TLN2: variants seen among roughly 807,000 people sequenced by gnomAD.
TLN2 encodes talin 2.
In TLN2, 118 loss-of-function variants were observed where a neutral mutation model predicts 294.7. The observed-to-expected ratio is 0.40, with a 90% CI of 0.34 to 0.47. The LOEUF (loss-of-function observed/expected upper bound fraction) is 0.47. Ranked by LOEUF, TLN2 falls within the 20% of genes least tolerant of loss-of-function variation. The pLI is 0.84. For missense variants in TLN2, 3,083 were observed against 3,282.2 expected (o/e 0.94, Z 1.48); for synonymous variants, 1,431 against 1,304.5 (o/e 1.10, Z -2.09).
chr15:62,585,445 C>G (rs985065232), intron 1 of TLN2, among the ~76,000 whole-genome samples: 3 of 152,146 alleles, frequency 2.0e-5, no homozygotes, highest in Non-Finnish European at 2.9e-5. Flanking sequence ...TCTGCTCTTA[C>G]GATGAGCAAC....
At chr15:62,800,548 G>A in intron 49 of TLN2, 55 bp downstream of exon 49, 1 of 1,611,124 alleles carries the variant, frequency 6.2e-7, no homozygotes. Flanking sequence ...TCACTTAAAG[G>A]AAGGAGAGGC....
intron 4 of TLN2, among the ~76,000 whole-genome samples, chr15:62,649,020 G>A (rs767513695): frequency 6.6e-6 from 1 of 151,878 alleles, no homozygotes; most frequent in Non-Finnish European, 1.5e-5. Context: ...GCTAATTTTT[G>A]TATTTTTTGT....
intron 19 of TLN2, among the ~76,000 whole-genome samples, chr15:62,703,332 C>T (rs917370628): frequency 6.6e-6 from 1 of 151,966 alleles, no homozygotes; most frequent in Admixed American, 6.6e-5. Context: ...CGAACTTTGA[C>T]CTCGTGATCT....
rs531065401 is a variant in TLN2 at position 62,455,500 on chromosome 15, G to T, written c.-238+64815G>T. Reference sequence around the variant, plus strand: ...TGTATGGGGAGCAATGTTTTTGTTTGTTTTTTTAACCACTGGCCTAGTGTC... The same window carrying T: ...TGTATGGGGAGCAATGTTTTTGTTTTTTTTTTTAACCACTGGCCTAGTGTC... On this transcript the variant is annotated intron_variant, in intron 1 of 58. Transcript: ENST00000636159. 6.6e-4 allele frequency among the ~76,000 whole-genome samples: 100 copies of T among 152,258 alleles called. 1 individual carries two copies. The highest frequency in any genetic ancestry group is 6.5e-3 in the Admixed American group (99 of 15,294).
chr15:62,513,012 A>G (rs143097761), intron 1 of TLN2, among the ~76,000 whole-genome samples: 2 of 152,214 alleles, frequency 1.3e-5, no homozygotes, highest in East Asian at 3.9e-4. Context: ...AATTTCTTCT[A>G]GTTAGCTTTG....
chr15:62,536,542 G>T (rs959640215), intron 1 of TLN2, among the ~76,000 whole-genome samples: 1 of 152,224 alleles, frequency 6.6e-6, no homozygotes, highest in Non-Finnish European at 1.5e-5. Context: ...CCTACCTGCA[G>T]TGGAATCCTG....
intron 1 of TLN2, among the ~76,000 whole-genome samples, chr15:62,545,856 G>A (rs1322026527): frequency 6.6e-6 from 1 of 152,194 alleles, no homozygotes; most frequent in Non-Finnish European, 1.5e-5. Context: ...AGTTGGGGGT[G>A]TTTGTATCCC....
intron 1 of TLN2, among the ~76,000 whole-genome samples, chr15:62,464,988 G>T (rs957830332): frequency 2.6e-5 from 4 of 151,862 alleles, no homozygotes; most frequent in African/African-American, 7.3e-5. Flanking sequence ...GGGGGTGCAT[G>T]TGTGATTACT....
intron 1 of TLN2, among the ~76,000 whole-genome samples, chr15:62,540,888 A>C (rs747118252): frequency 1.3e-5 from 2 of 152,156 alleles, no homozygotes; most frequent in Non-Finnish European, 2.9e-5. Flanking sequence ...CTAATGCTTC[A>C]TCGGGGCACA....
chr15:62,597,308 A>G (rs1041863032), intron 2 of TLN2, among the ~76,000 whole-genome samples: 2 of 152,160 alleles, frequency 1.3e-5, no homozygotes, highest in Admixed American at 1.3e-4. Context: ...AAAAACCAGT[A>G]AGTGGTATTT....
chr15:62,694,641 C>A (rs1456355840), intron 14 of TLN2, among the ~76,000 whole-genome samples: 1 of 152,178 alleles, frequency 6.6e-6, no homozygotes, highest in Admixed American at 6.5e-5. Flanking sequence ...TCTTTTGAGG[C>A]AGTAAGTGTT....
chr15:62,539,373 T>A (rs1788507163), intron 1 of TLN2, among the ~76,000 whole-genome samples: 1 of 152,146 alleles, frequency 6.6e-6, no homozygotes, highest in African/African-American at 2.4e-5. Context: ...AAGGTGGTGA[T>A]GGTGGCATTC....
chr15:62,799,412 T>G (rs956930377), intron 48 of TLN2, among the ~76,000 whole-genome samples: 1 of 152,232 alleles, frequency 6.6e-6, no homozygotes, highest in Non-Finnish European at 1.5e-5. Flanking sequence ...CAATATTGTG[T>G]AATTCCCATC....
intron 1 of TLN2, among the ~76,000 whole-genome samples, chr15:62,452,228 C>G (rs949261679): frequency 6.6e-6 from 1 of 152,120 alleles, no homozygotes; most frequent in African/African-American, 2.4e-5. Context: ...GGAGGGCTTG[C>G]GAAAAGTCCG....
intron 1 of TLN2, among the ~76,000 whole-genome samples, chr15:62,534,076 C>T (rs77449758): frequency 0.036 from 5,431 of 152,108 alleles, 142 homozygotes; most frequent in African/African-American, 0.065. Flanking sequence ...CCAGTAGGAG[C>T]CTGAGGATCT....
At chr15:62,579,100 C>CT (rs2044691948) in intron 1 of TLN2, among the ~76,000 whole-genome samples, 1 of 152,016 alleles carries the variant, frequency 6.6e-6, no homozygotes, top group South Asian at 2.1e-4. Flanking sequence ...GGAAACAAGG[C>CT]TGAGGAGAAT....
At chr15:62,466,312 T>A (rs894211962) in intron 1 of TLN2, among the ~76,000 whole-genome samples, 2 of 152,262 alleles carry the variant, frequency 1.3e-5, no homozygotes, top group African/African-American at 4.8e-5. Flanking sequence ...GACTTTGTTC[T>A]AGTCTTCTTC....
intron 1 of TLN2, among the ~76,000 whole-genome samples, chr15:62,537,022 G>C (rs2041391241): frequency 7.9e-6 from 1 of 127,290 alleles, no homozygotes; most frequent in African/African-American, 3.2e-5. Flanking sequence ...TGTCATTGTA[G>C]TGTTTTTTTT....
intron 3 of TLN2, among the ~76,000 whole-genome samples, chr15:62,642,452 G>A (rs2051232066): frequency 6.6e-6 from 1 of 152,222 alleles, no homozygotes; most frequent in African/African-American, 2.4e-5. Context: ...AGGGGTTCGG[G>A]TGCAGAAGAG....
Sources: allele counts gnomAD v4.1 joint callset (sites outside exome capture counted in the v4.1 genomes callset), GRCh38; gene constraint gnomAD v4.1.1; transcripts MANE v1.5; gene names NCBI Gene and HGNC (gene_info 2026-07-23, HGNC 2026-07-21).